Variants in TTC39A observed in about 807,000 individuals in gnomAD.
The protein encoded by TTC39A is tetratricopeptide repeat domain 39A.
A neutral mutation model predicts 82.3 loss-of-function variants in TTC39A; 46 were observed. The observed-to-expected ratio is 0.56, with a 90% CI of 0.44 to 0.71. TTC39A has a LOEUF of 0.71. Among genes scored for constraint, TTC39A ranks in the 30% least tolerant of loss-of-function variants. TTC39A has a pLI of 0.00. For missense variants in TTC39A, 543 were observed against 712.9 expected (o/e 0.76, Z 2.71); for synonymous variants, 254 against 275.2 (o/e 0.92, Z 0.76).
intron 13 of TTC39A, chr1:51,295,673 G>A (rs757075466): frequency 2.4e-5 from 5 of 209,140 alleles, no homozygotes; most frequent in Non-Finnish European, 5.0e-5. Flanking sequence ...CAGAGGCTGG[G>A]TTTACTCTTG....
Position 51,301,704 on chromosome 1 carries a change from C to T in TTC39A, c.921G>A (p.Glu307=), listed in dbSNP as rs1268786741. The change falls in exon 12 of 18, where the codon GAG becomes GAA. Residue 307 remains glutamate (E), a synonymous_variant. Transcript: ENST00000680483. Reference sequence around the variant, plus strand: ...GGAACTGCTTCCAGTGCTGCTGGGCCTCACAGCACTCCTCGAAACGCCGGA... The same window carrying T: ...GGAACTGCTTCCAGTGCTGCTGGGCTTCACAGCACTCCTCGAAACGCCGGA... The part of the protein sequence containing the change: ...AAIRRFEECC[E]AQQHWKQFHH... The T allele has an allele frequency of 6.2e-7, 1 of 1,610,288 alleles. No individual in the cohort carries two copies. The highest frequency in any genetic ancestry group is 1.3e-5 in the African/African-American group (1 of 74,884).
chr1:51,309,238 A>G (rs369808217), intron 6 of TTC39A, 23 bp downstream of exon 6: 17 of 1,590,564 alleles, frequency 1.1e-5, no homozygotes, highest in East Asian at 2.3e-5. Flanking sequence ...TCTCCCCACA[A>G]GCGGATGGCC....
intron 1 of TTC39A, among the ~76,000 whole-genome samples, chr1:51,327,170 A>T (rs1645742509): frequency 6.6e-6 from 1 of 152,162 alleles, no homozygotes; most frequent in African/African-American, 2.4e-5. Context: ...TCCCACTGAG[A>T]ACAGAAAATC....
chr1:51,328,393 C>T (rs1041508492), intron 1 of TTC39A, among the ~76,000 whole-genome samples: 3 of 152,154 alleles, frequency 2.0e-5, no homozygotes, highest in Admixed American at 2.0e-4. Flanking sequence ...GTATATCACA[C>T]ATCAGGGCAA....
At chr1:51,298,280 C>T (rs12759163) in intron 12 of TTC39A, 6,410 of 152,476 alleles carry the variant, frequency 0.042, 183 homozygotes, top group Non-Finnish European at 0.063. Context: ...CTTTCTAAAG[C>T]ACCTATCTAA....
chr1:51,332,575 T>G (rs2148316216), upstream of TTC39A, among the ~76,000 whole-genome samples: 1 of 152,374 alleles, frequency 6.6e-6, no homozygotes, highest in South Asian at 2.1e-4. Context: ...TGAAGCTTTT[T>G]GAGCACTGTA....
At position 51,288,825 on chromosome 1, in the gene TTC39A, T is replaced by A; in HGVS notation, c.1610+14A>T. The A allele has an allele frequency of 6.3e-7, 1 of 1,586,732 alleles. No individual in the cohort carries two copies. ...GAGGGAGCAAAGGACAGACTGAGGT[T>A]ACCCAAGCCTTACTTGGCAGATTCC... On this transcript the variant is annotated intron_variant, in intron 17 of 17. Coordinates refer to ENST00000680483, the MANE Select transcript of TTC39A (RefSeq NM_001297663.2). The surrounding 1 kb of genome is among the most constrained non-coding windows in gnomAD (Gnocchi z 4.8).
chr1:51,318,034 C>T (rs1645358609), intron 2 of TTC39A, among the ~76,000 whole-genome samples: 1 of 152,320 alleles, frequency 6.6e-6, no homozygotes, highest in African/African-American at 2.4e-5. Context: ...CCAGGCACAG[C>T]CACAGCCTTT....
intron 5 of TTC39A, among the ~76,000 whole-genome samples, chr1:51,309,667 G>T (rs531569394): frequency 6.6e-6 from 1 of 152,100 alleles, no homozygotes; most frequent in Admixed American, 6.5e-5. Context: ...CAACAAGCAG[G>T]TATTTATCAC....
intron 6 of TTC39A, among the ~76,000 whole-genome samples, chr1:51,308,331 C>T (rs1304334621): frequency 6.6e-6 from 1 of 152,068 alleles, no homozygotes; most frequent in Admixed American, 6.5e-5. Flanking sequence ...CCTCCGCCTC[C>T]CTGGTTCAAG....
At chr1:51,308,061 T>C (rs1644938881) in intron 6 of TTC39A, among the ~76,000 whole-genome samples, 1 of 152,200 alleles carries the variant, frequency 6.6e-6, no homozygotes, top group Admixed American at 6.5e-5. Context: ...TTCTCTGTGG[T>C]GCATGTGGAC....
At chr1:51,305,670 A>T (rs899505731) in intron 7 of TTC39A, 47 of 427,324 alleles carry the variant, frequency 1.1e-4, no homozygotes, top group Middle Eastern at 6.5e-4. Flanking sequence ...GGGCAGAGAA[A>T]GCCCTGATTT....
At position 51,288,751 on chromosome 1, in the gene TTC39A, A is replaced by T; in HGVS notation, c.1610+88T>A. 7.8e-7 allele frequency: 1 copy of T among 1,285,400 alleles called. No individual in the cohort carries two copies. The highest frequency in any genetic ancestry group is 1.1e-6 in the Non-Finnish European group (1 of 914,044). The allele number at this position is 1,285,400 out of a possible 1,614,324, so 79.6% of individuals were successfully genotyped here. Reference sequence around the variant, plus strand: ...ACTGGCCTTGCTAGCAACTCCACTCACTGCTCTCTGGGCAACTCTGTCCCC... The same window carrying T: ...ACTGGCCTTGCTAGCAACTCCACTCTCTGCTCTCTGGGCAACTCTGTCCCC... On this transcript the variant is annotated intron_variant, in intron 17 of 17. Transcript: ENST00000680483. The surrounding 1 kb of genome is among the most constrained non-coding windows in gnomAD (Gnocchi z 4.8).
Position 51,306,053 on chromosome 1 carries a change from G to A in TTC39A, c.512C>T (p.Ser171Phe). ...TYKELDSLVQ[S>F]SQYCKGENHP... Reference sequence around the variant, plus strand: ...GTTCTCACCCTTGCAGTATTGTGAGGACTGAACAAGGCTGTCCAGCTCCCT... The same window carrying A: ...GTTCTCACCCTTGCAGTATTGTGAGAACTGAACAAGGCTGTCCAGCTCCCT... The change falls in exon 7 of 18, where the codon TCC becomes TTC. Residue 171 changes from serine to phenylalanine, a missense_variant. Transcript: ENST00000680483. The A allele has an allele frequency of 1.2e-6, 2 of 1,613,962 alleles. No homozygotes were observed. The highest frequency in any genetic ancestry group is 1.7e-6 in the Non-Finnish European group (2 of 1,179,858).
intron 1 of TTC39A, among the ~76,000 whole-genome samples, chr1:51,341,186 C>T (rs1367438916): frequency 9.1e-6 from 1 of 109,406 alleles, no homozygotes; most frequent in Non-Finnish European, 1.8e-5. Flanking sequence ...CGCCCCCCCA[C>T]CCCCCGCCCA....
chr1:51,325,671 C>T (rs1390170958), intron 1 of TTC39A, among the ~76,000 whole-genome samples: 1 of 152,178 alleles, frequency 6.6e-6, no homozygotes, highest in Non-Finnish European at 1.5e-5. Context: ...TGCATTCTAA[C>T]CCAAGTTTCT....
At chr1:51,340,845 CATACTGCT>C in intron 1 of TTC39A, among the ~76,000 whole-genome samples, 1 of 152,280 alleles carries the variant, frequency 6.6e-6, no homozygotes, top group East Asian at 1.9e-4. Flanking sequence ...TGTCCAAAGT[CATACTGCT>C]AGAAAGTCTC....
intron 2 of TTC39A, among the ~76,000 whole-genome samples, chr1:51,315,003 A>G (rs1467304689): frequency 2.0e-5 from 3 of 152,050 alleles, no homozygotes; most frequent in Non-Finnish European, 4.4e-5. Context: ...GGCAGCACAC[A>G]GACCCATCCC....
chr1:51,322,723 G>A (rs1645574522), intron 1 of TTC39A, among the ~76,000 whole-genome samples: 1 of 152,200 alleles, frequency 6.6e-6, no homozygotes, highest in Non-Finnish European at 1.5e-5. Context: ...CCTATTTGAT[G>A]TTTTGATAAT....
Sources: gnomAD v4.1 joint callset for allele counts (sites outside exome capture counted in the v4.1 genomes callset) on GRCh38, gnomAD v4.1.1 for gene constraint, Gnocchi (gnomAD v3.1) non-coding constraint, MANE v1.5 for transcripts, NCBI Gene and HGNC (gene_info 2026-07-23, HGNC 2026-07-21) for gene names.